DIP2A: variants seen among roughly 807,000 people sequenced by gnomAD.
DIP2A encodes the protein disco-interacting protein 2 homolog A.
DIP2A carries 85 observed loss-of-function variants against 177.4 expected under a neutral mutation model. That is an observed-to-expected ratio of 0.48 (90% CI 0.40 to 0.57). DIP2A has a LOEUF of 0.57. DIP2A is among the 20% of genes least tolerant of loss of function. DIP2A has a pLI of 0.00. For synonymous variants in DIP2A, 886 were observed against 881.8 expected (o/e 1.00, Z -0.08); for missense variants, 1,791 against 2,100.2 (o/e 0.85, Z 2.88).
At position 46,498,717 on chromosome 21, in the gene DIP2A, C is replaced by T; in HGVS notation, c.539C>T (p.Ala180Val). The stretch of plus-strand genomic sequence containing the variant: ...CAGGGCTCGTCCACCTCATCCTCTG[C>T]ATCCTCCACCTCATCTCACCCGGGA... ...VIQGSSTSSS[A>V]SSTSSHPGGR... The change falls in exon 5 of 38, where the codon GCA becomes GTA. Residue 180 changes from alanine (A) to valine (V), a missense_variant. Coordinates refer to ENST00000417564, the MANE Select transcript of DIP2A (RefSeq NM_015151.4). The surrounding 1 kb of genome is among the most constrained non-coding windows in gnomAD (Gnocchi z 4.3). 6.2e-7 allele frequency: 1 copy of T among 1,613,900 alleles called. No homozygotes were observed. Among genetic ancestry groups the T allele is most frequent in the Non-Finnish European group, 8.5e-7 (1 of 1,179,882 alleles).
At chr21:46,550,500 C>T in intron 22 of DIP2A, 43 bp from the exon 23 acceptor site, 4 of 1,576,534 alleles carry the variant, frequency 2.5e-6, no homozygotes, top group Non-Finnish European at 3.5e-6. Context: ...TCTCCCCAGC[C>T]TCAAGTTGGG....
intron 5 of DIP2A, among the ~76,000 whole-genome samples, chr21:46,503,616 CTTTCTTTCTTT>C (rs2057796361): frequency 5.1e-5 from 4 of 78,016 alleles, no homozygotes; most frequent in African/African-American, 1.3e-4. Flanking sequence ...TCCTTCCTTT[CTTTCTTTCTTT>C]CTTTCTTTCC....
intron 17 of DIP2A, among the ~76,000 whole-genome samples, chr21:46,540,474 C>T (rs749225126): frequency 3.4e-4 from 51 of 152,058 alleles, no homozygotes; most frequent in Non-Finnish European, 5.9e-4. Flanking sequence ...GTTGAGCCTG[C>T]AGACTGCCCT....
chr21:46,528,402 G>C (rs900611056), intron 8 of DIP2A, among the ~76,000 whole-genome samples: 3 of 151,686 alleles, frequency 2.0e-5, no homozygotes, highest in African/African-American at 7.3e-5. Context: ...AAAAAGTAGG[G>C]TGAAGTATCT....
chr21:46,517,765 C>T (rs866445297), intron 8 of DIP2A, among the ~76,000 whole-genome samples: 9 of 152,248 alleles, frequency 5.9e-5, no homozygotes, highest in Admixed American at 1.3e-4. Context: ...CTACCAAAAG[C>T]TCTGCAGGTT....
rs1027890037 is a variant in DIP2A at position 46,557,542 on chromosome 21, G to A, written c.3630-43G>A. Reference sequence around the variant, plus strand: ...AAGGGAAGAGTGGAGTGCCCAGGGTGCTGGGTGGGCGGGCGGAGCCTCACG... The same window carrying A: ...AAGGGAAGAGTGGAGTGCCCAGGGTACTGGGTGGGCGGGCGGAGCCTCACG... On this transcript the variant is annotated intron_variant, in intron 30 of 37. Transcript: ENST00000417564. The surrounding 1 kb of genome is among the most constrained non-coding windows in gnomAD (Gnocchi z 6.0). 6.3e-6 allele frequency: 10 copies of A among 1,578,400 alleles called. No individual in the cohort carries two copies. Among genetic ancestry groups the A allele is most frequent in the Non-Finnish European group, 1.7e-6 (2 of 1,157,388 alleles).
intron 16 of DIP2A, 29 bp downstream of exon 16, chr21:46,538,631 C>T: frequency 6.5e-7 from 1 of 1,543,028 alleles, no homozygotes; most frequent in Non-Finnish European, 8.7e-7. Flanking sequence ...CCGGCGCATA[C>T]CCCACACAGT....
At chr21:46,565,080 T>G (rs942830360) in intron 35 of DIP2A, among the ~76,000 whole-genome samples, 1 of 152,194 alleles carries the variant, frequency 6.6e-6, no homozygotes, top group Admixed American at 6.5e-5. Flanking sequence ...GGACGGACTC[T>G]CTCTAGAAGG....
At chr21:46,535,441 C>T (rs2059527073) in intron 13 of DIP2A, among the ~76,000 whole-genome samples, 1 of 151,926 alleles carries the variant, frequency 6.6e-6, no homozygotes, top group African/African-American at 2.4e-5. Flanking sequence ...GTGTTCAGGC[C>T]AGGTGCAGTG....
rs369717182 is a variant in DIP2A, at chr21:46,557,082, C to T, written c.3629+13C>T. ...GGTGTCTGTGCAGGTGAGTGCAGGG[C>T]CCCTGCTGCCTGCCAGGTGGGAGCA... On this transcript the variant is annotated intron_variant, in intron 30 of 37. Transcript: ENST00000417564. The surrounding 1 kb of genome is among the most constrained non-coding windows in gnomAD (Gnocchi z 6.0). 25 of 1,588,836 alleles carry T rather than the reference C, an allele frequency of 1.6e-5. No homozygotes were observed. Among genetic ancestry groups the T allele is most frequent in the Admixed American group, 1.0e-4 (6 of 57,518 alleles).
chr21:46,546,944 G>A lies in DIP2A; in HGVS notation c.2424G>A (p.Leu808=), dbSNP rs1294730757. The change falls in exon 21 of 38, where the codon CTG becomes CTA. Residue 808 remains leucine (L), a synonymous_variant. Coordinates refer to ENST00000417564, the MANE Select transcript of DIP2A (RefSeq NM_015151.4). The stretch of plus-strand genomic sequence containing the variant: ...ACCTGGTCTTCATCGTGGGCAAACT[G>A]GACGGGCTGATGGTCACTGGAGTTC... ...PDNLVFIVGK[L]DGLMVTGVRR... 2 of 1,613,932 alleles carry A rather than the reference G, an allele frequency of 1.2e-6. No homozygotes were observed. Among genetic ancestry groups the A allele is most frequent in the South Asian group, 1.1e-5 (1 of 91,060 alleles).
intron 8 of DIP2A, among the ~76,000 whole-genome samples, chr21:46,515,167 C>T (rs1370200229): frequency 6.6e-6 from 1 of 152,210 alleles, no homozygotes; most frequent in Non-Finnish European, 1.5e-5. Context: ...ACTGTTAAAC[C>T]AGCGTTCAAA....
At chr21:46,525,999 C>T (rs1202403226) in intron 8 of DIP2A, among the ~76,000 whole-genome samples, 1 of 151,614 alleles carries the variant, frequency 6.6e-6, no homozygotes, top group Non-Finnish European at 1.5e-5. Flanking sequence ...ACCTCTGCCT[C>T]CCGGGTTCAA....
Position 46,567,635 on chromosome 21 carries a change from GGCCCAGGT to G in DIP2A, c.*17_*24del. The stretch of plus-strand genomic sequence containing the variant: ...CTACAACATGTGAGCGCAGCACACC[GGCCCAGGT>G]GCCGGAGATGAATGAGCCCCAGCAG... On this transcript the variant is annotated 3_prime_UTR_variant, in exon 38 of 38. Coordinates refer to ENST00000417564, the MANE Select transcript of DIP2A (RefSeq NM_015151.4). The G allele has an allele frequency of 6.4e-7, 1 of 1,563,994 alleles. No individual in the cohort carries two copies. Among genetic ancestry groups the G allele is most frequent in the Non-Finnish European group, 8.7e-7 (1 of 1,152,360 alleles).
downstream of DIP2A, among the ~76,000 whole-genome samples, chr21:46,573,417 T>A (rs568099787): frequency 1.3e-4 from 19 of 151,870 alleles, no homozygotes; most frequent in Admixed American, 7.9e-4. Context: ...CCCAGCGCTT[T>A]GGGAGGCTGA....
At chr21:46,523,562 A>T (rs1441355108) in intron 8 of DIP2A, among the ~76,000 whole-genome samples, 1 of 144,842 alleles carries the variant, frequency 6.9e-6, no homozygotes, top group Non-Finnish European at 1.5e-5. Flanking sequence ...CTTTTTTTTA[A>T]AATTCCTTTT....
intron 1 of DIP2A, among the ~76,000 whole-genome samples, chr21:46,461,920 G>T (rs2054351807): frequency 6.6e-6 from 1 of 152,046 alleles, no homozygotes; most frequent in Non-Finnish European, 1.5e-5. Context: ...AAATTGGCTG[G>T]GCATGGTGGT....
chr21:46,485,869 A>C, intron 2 of DIP2A, among the ~76,000 whole-genome samples: 1 of 151,744 alleles, frequency 6.6e-6, no homozygotes, highest in East Asian at 1.9e-4. Flanking sequence ...TCAGGAGTTC[A>C]AGACCAGCCT....
At chr21:46,565,327 G>A (rs935990201) in intron 35 of DIP2A, among the ~76,000 whole-genome samples, 2 of 152,210 alleles carry the variant, frequency 1.3e-5, no homozygotes, top group African/African-American at 2.4e-5. Flanking sequence ...GCAGCTGCAC[G>A]CTCTCCACTC....
Sources: gnomAD v4.1 joint callset for allele counts (sites outside exome capture counted in the v4.1 genomes callset) on GRCh38, gnomAD v4.1.1 for gene constraint, Gnocchi (gnomAD v3.1) non-coding constraint, MANE v1.5 for transcripts, NCBI Gene and HGNC (gene_info 2026-07-23, HGNC 2026-07-21) for gene names.